SLC30A8: variants seen among roughly 807,000 people sequenced by gnomAD.
The protein encoded by SLC30A8 is proton-coupled zinc antiporter SLC30A8.
In SLC30A8, 27 loss-of-function variants were observed where a neutral mutation model predicts 36.9. The ratio of observed to expected loss-of-function variants is 0.73; its 90% confidence interval spans 0.54 to 1.01. The LOEUF (loss-of-function observed/expected upper bound fraction) is 1.01, where lower values mean the gene tolerates loss of function less well. Among genes scored for constraint, SLC30A8 ranks in the 50% least tolerant of loss-of-function variants. SLC30A8 has a pLI of 0.00. For missense variants in SLC30A8, 439 were observed against 452.0 expected (o/e 0.97, Z 0.26); for synonymous variants, 164 against 172.4 (o/e 0.95, Z 0.38).
At chr8:117,074,894 G>A (rs750574900) in intron 2 of SLC30A8, among the ~76,000 whole-genome samples, 26 of 151,958 alleles carry the variant, frequency 1.7e-4, no homozygotes, top group Non-Finnish European at 1.8e-4. Flanking sequence ...TATGTTCTAG[G>A]TTAGGACCCT....
At chr8:116,992,857 A>G in intron 1 of SLC30A8, among the ~76,000 whole-genome samples, 1 of 152,320 alleles carries the variant, frequency 6.6e-6, no homozygotes, top group East Asian at 1.9e-4. Flanking sequence ...CCTTGAGAGA[A>G]ATAGAGCATA....
At chr8:117,012,577 A>G (rs77036093) in intron 1 of SLC30A8, among the ~76,000 whole-genome samples, 4,316 of 151,928 alleles carry the variant, frequency 0.028, 215 homozygotes, top group African/African-American at 0.098. Context: ...TGTGTAGGTT[A>G]TATGCAAATA....
At chr8:116,998,735 A>G (rs1815905077) in intron 1 of SLC30A8, among the ~76,000 whole-genome samples, 1 of 152,230 alleles carries the variant, frequency 6.6e-6, no homozygotes, top group South Asian at 2.1e-4. Context: ...GGAAAAGGCC[A>G]TGTGAAGAGA....
intron 3 of SLC30A8, among the ~76,000 whole-genome samples, chr8:117,154,539 C>T (rs1822374326): frequency 6.6e-6 from 1 of 152,166 alleles, no homozygotes; most frequent in Non-Finnish European, 1.5e-5. Flanking sequence ...TAATTTCATA[C>T]TAAACAAACA....
intron 2 of SLC30A8, among the ~76,000 whole-genome samples, chr8:117,040,550 A>G (rs1195601718): frequency 6.6e-6 from 1 of 152,230 alleles, no homozygotes; most frequent in Non-Finnish European, 1.5e-5. Context: ...ATGCTTAAGT[A>G]AAAAGATGAA....
intron 1 of SLC30A8, among the ~76,000 whole-genome samples, chr8:116,983,310 GTCTTT>G (rs1395719759): frequency 5.9e-5 from 9 of 152,038 alleles, no homozygotes; most frequent in Non-Finnish European, 1.3e-4. Context: ...TTCCTGGTGA[GTCTTT>G]TAGGGCAAAA....
At chr8:116,976,370 G>A (rs905155321) in intron 1 of SLC30A8, among the ~76,000 whole-genome samples, 1 of 151,836 alleles carries the variant, frequency 6.6e-6, no homozygotes, top group Non-Finnish European at 1.5e-5. Flanking sequence ...CCTACAAGCC[G>A]ATGTAAGCCA....
rs374841692 is a variant in SLC30A8, at chr8:116,978,020, A to G, written c.-266+26901A>G. On this transcript the variant is annotated intron_variant, in intron 1 of 10. Coordinates refer to the SLC30A8 transcript ENST00000427715. Reference sequence around the variant, plus strand: ...AGAGCATGTTAAAGATGGCAGAGCTATCTTGCCAACTTTGGTCAGTTCCCC... The same window carrying G: ...AGAGCATGTTAAAGATGGCAGAGCTGTCTTGCCAACTTTGGTCAGTTCCCC... Among the ~76,000 whole-genome samples, 11 of 152,180 alleles carry G rather than the reference A, an allele frequency of 7.2e-5. No individual in the cohort carries two copies. In the East Asian group the frequency reaches 9.7e-4, roughly 13 times the overall value.
exon 2 of SLC30A8, chr8:117,039,257 A>G (rs1175335364): frequency 6.6e-6 from 1 of 152,208 alleles, no homozygotes. Context: ...CACAGTACCT[A>G]GGTATATCTA....
chr8:117,063,626 C>T lies in SLC30A8; in HGVS notation c.-226+24368C>T, dbSNP rs560504131. ...CTTCCTCCTATGTCCTGTTCCCTGGCAACCGTCAATATAGAATCAGAAAAA... is the reference window on the plus strand; with the variant it reads ...CTTCCTCCTATGTCCTGTTCCCTGGTAACCGTCAATATAGAATCAGAAAAA... On this transcript the variant is annotated intron_variant, in intron 2 of 10. Transcript: ENST00000427715. Among the ~76,000 whole-genome samples the T allele has an allele frequency of 5.9e-5, 9 of 152,266 alleles. No homozygotes were observed. The South Asian group carries it at 1.0e-3, about 18-fold the overall frequency.
At chr8:116,985,890 T>C (rs1377969605) in intron 1 of SLC30A8, among the ~76,000 whole-genome samples, 1 of 152,196 alleles carries the variant, frequency 6.6e-6, no homozygotes, top group Non-Finnish European at 1.5e-5. Flanking sequence ...GAACACAGTT[T>C]TATTTTTTAT....
At chr8:117,112,965 G>A (rs1475855180) in intron 2 of SLC30A8, among the ~76,000 whole-genome samples, 6 of 152,084 alleles carry the variant, frequency 3.9e-5, no homozygotes, top group African/African-American at 1.4e-4. Context: ...GAAAAAGTGG[G>A]TCAAGCATGA....
At chr8:117,100,809 C>T (rs2130856427) in intron 2 of SLC30A8, among the ~76,000 whole-genome samples, 1 of 152,186 alleles carries the variant, frequency 6.6e-6, no homozygotes, top group Middle Eastern at 3.4e-3. Flanking sequence ...CTTGTTTCTC[C>T]AACTGGAATA....
chr8:117,115,138 T>A (rs1820392770), intron 2 of SLC30A8, among the ~76,000 whole-genome samples: 1 of 151,974 alleles, frequency 6.6e-6, no homozygotes, highest in Non-Finnish European at 1.5e-5. Flanking sequence ...CAGGGTCTCA[T>A]TCTGTTGACC....
intron 2 of SLC30A8, among the ~76,000 whole-genome samples, chr8:117,125,750 T>A (rs1820875971): frequency 6.6e-6 from 1 of 152,042 alleles, no homozygotes; most frequent in Non-Finnish European, 1.5e-5. Flanking sequence ...GAACTCCTCA[T>A]GTCTCATAAT....
At chr8:117,046,140 A>C (rs183675840) in intron 2 of SLC30A8, among the ~76,000 whole-genome samples, 4 of 152,200 alleles carry the variant, frequency 2.6e-5, no homozygotes, top group Non-Finnish European at 2.9e-5. Context: ...TTCCTCCCCA[A>C]ATCCCGCTTG....
At chr8:116,965,713 A>G (rs1475015818) in intron 1 of SLC30A8, among the ~76,000 whole-genome samples, 1 of 152,188 alleles carries the variant, frequency 6.6e-6, no homozygotes, top group African/African-American at 2.4e-5. Context: ...GAAGTGAAAT[A>G]ACAAAAAATT....
chr8:117,153,149 T>C (rs1459348624), intron 3 of SLC30A8, 59 bp downstream of exon 3: 1 of 1,467,138 alleles, frequency 6.8e-7, no homozygotes, highest in Non-Finnish European at 9.1e-7. Flanking sequence ...AAACCAAGGG[T>C]AAAAGTGGAA....
chr8:117,172,641 A>G lies in SLC30A8; in HGVS notation c.1070A>G (p.Gln357Arg). Residue 357 changes from glutamine to arginine, a missense_variant, in exon 8 of 8, where the codon CAG becomes CGG. Coordinates refer to ENST00000456015, the MANE Select transcript of SLC30A8 (RefSeq NM_173851.3). ...ATTCAGATGGAATCTCCAGTTGACC[A>G]GGACCCCGACTGCCTTTTCTGTGAA... ...LTIQMESPVD[Q>R]DPDCLFCEDP... is the part of the protein sequence containing the mutation. 4 of 1,613,760 alleles carry G rather than the reference A, an allele frequency of 2.5e-6. No individual in the cohort carries two copies. Among genetic ancestry groups the G allele is most frequent in the Non-Finnish European group, 3.4e-6 (4 of 1,179,720 alleles).
Sources: allele counts gnomAD v4.1 joint callset (sites outside exome capture counted in the v4.1 genomes callset), GRCh38; gene constraint gnomAD v4.1.1; transcripts MANE v1.5; gene names NCBI Gene and HGNC (gene_info 2026-07-23, HGNC 2026-07-21).